The following CDC42SE2 variants were observed in gnomAD, a reference collection of about 807,000 sequenced individuals.
CDC42SE2 encodes CDC42 small effector 2, also known as CDC42 small effector protein 2.
In CDC42SE2, 3 loss-of-function variants were observed where a neutral mutation model predicts 11.5. That is an observed-to-expected ratio of 0.26 (90% CI 0.12 to 0.67). The LOEUF (loss-of-function observed/expected upper bound fraction) is 0.67, where lower values mean the gene tolerates loss of function less well. CDC42SE2 is among the 30% of genes least tolerant of loss of function. The pLI is 0.80. For missense variants in CDC42SE2, 82 were observed against 106.8 expected (o/e 0.77, Z 1.02); for synonymous variants, 33 against 34.8 (o/e 0.95, Z 0.18).
intron 1 of CDC42SE2, among the ~76,000 whole-genome samples, chr5:131,314,609 G>C (rs1040386460): frequency 7.9e-5 from 12 of 152,070 alleles, no homozygotes; most frequent in Non-Finnish European, 1.5e-4. Flanking sequence ...CTTGGTTTTT[G>C]AGTATTGATC....
At chr5:131,300,680 G>A (rs1757659403) in intron 1 of CDC42SE2, among the ~76,000 whole-genome samples, 1 of 152,022 alleles carries the variant, frequency 6.6e-6, no homozygotes, top group Non-Finnish European at 1.5e-5. Flanking sequence ...CTCCTCGGGA[G>A]GCTGAGGCAG....
chr5:131,338,366 ATTGTT>A (rs1333807201), intron 2 of CDC42SE2, among the ~76,000 whole-genome samples: 1 of 152,040 alleles, frequency 6.6e-6, no homozygotes, highest in Non-Finnish European at 1.5e-5. Flanking sequence ...CTAGTTTTGT[ATTGTT>A]TTGTTTATAT....
At chr5:131,219,479 A>AT in the CDC42SE2 span, among the ~76,000 whole-genome samples, 30 of 152,274 alleles carry the variant, frequency 2.0e-4, no homozygotes, top group Non-Finnish European at 3.7e-4. Flanking sequence ...AAGTCTGGCC[A>AT]TTTTTTCTAG....
At chr5:131,322,462 G>T (rs554569350) in intron 2 of CDC42SE2, among the ~76,000 whole-genome samples, 2 of 152,150 alleles carry the variant, frequency 1.3e-5, no homozygotes, top group South Asian at 2.1e-4. Flanking sequence ...TATAGTGTTC[G>T]TAAGGCTCAT....
intron 1 of CDC42SE2, among the ~76,000 whole-genome samples, chr5:131,293,000 A>G (rs1757494781): frequency 6.6e-6 from 1 of 151,954 alleles, no homozygotes; most frequent in African/African-American, 2.4e-5. Flanking sequence ...GAATGAACAG[A>G]TAGAGATATT....
intron 3 of CDC42SE2, among the ~76,000 whole-genome samples, chr5:131,383,570 G>T (rs947530591): frequency 6.6e-6 from 1 of 152,110 alleles, no homozygotes; most frequent in Middle Eastern, 3.2e-3. Flanking sequence ...AAAAAATGTT[G>T]CAATGACATG....
At chr5:131,263,131 C>CT (rs1047929717), upstream of CDC42SE2, among the ~76,000 whole-genome samples, 5 of 146,290 alleles carry the variant, frequency 3.4e-5, no homozygotes, top group African/African-American at 1.0e-4. Context: ...GAGACAGGGT[C>CT]TCGCTATGTT....
At chr5:131,308,262 C>T (rs578043423) in intron 1 of CDC42SE2, among the ~76,000 whole-genome samples, 9 of 151,958 alleles carry the variant, frequency 5.9e-5, no homozygotes, top group African/African-American at 1.4e-4. Context: ...TGTAGATATG[C>T]GGCGTTATTT....
chr5:131,330,584 G>T (rs1312239386), intron 2 of CDC42SE2, among the ~76,000 whole-genome samples: 1 of 152,078 alleles, frequency 6.6e-6, no homozygotes, highest in South Asian at 2.1e-4. Flanking sequence ...ACTCTCCAGG[G>T]GCATTTGGCA....
At chr5:131,312,989 CTT>C (rs144922274) in intron 1 of CDC42SE2, among the ~76,000 whole-genome samples, 2 of 144,884 alleles carry the variant, frequency 1.4e-5, no homozygotes, top group African/African-American at 2.5e-5. Flanking sequence ...CTTTTCTTTT[CTT>C]TTTTTTTTTT....
intron 1 of CDC42SE2, among the ~76,000 whole-genome samples, chr5:131,311,835 T>C (rs1191308590): frequency 2.0e-5 from 3 of 152,306 alleles, no homozygotes; most frequent in Non-Finnish European, 4.4e-5. Flanking sequence ...ATTCTAGTTA[T>C]ACATTCTTCT....
chr5:131,276,408 C>T (rs560977491), intron 1 of CDC42SE2, among the ~76,000 whole-genome samples: 145 of 151,328 alleles, frequency 9.6e-4, no homozygotes, highest in Admixed American at 2.2e-3. Context: ...GAGATCTCAC[C>T]ACTGCAGTCT....
At chr5:131,297,458 C>G (rs568231186) in intron 1 of CDC42SE2, among the ~76,000 whole-genome samples, 45 of 151,980 alleles carry the variant, frequency 3.0e-4, no homozygotes, top group African/African-American at 9.6e-4. Flanking sequence ...GGTGGCTCAC[C>G]CCTGTAATCC....
chr5:131,352,630 G>T (rs1749377025), intron 2 of CDC42SE2, among the ~76,000 whole-genome samples: 1 of 152,138 alleles, frequency 6.6e-6, no homozygotes, highest in African/African-American at 2.4e-5. Context: ...AAGTAGCTGT[G>T]TGATAAATAC....
chr5:131,346,414 G>A (rs1163317164), intron 2 of CDC42SE2, among the ~76,000 whole-genome samples: 5 of 152,126 alleles, frequency 3.3e-5, no homozygotes, highest in Admixed American at 2.6e-4. Context: ...GAAGGTCATT[G>A]CGTAATGGTA....
At chr5:131,287,039 G>A (rs1334491912) in intron 1 of CDC42SE2, among the ~76,000 whole-genome samples, 14 of 152,108 alleles carry the variant, frequency 9.2e-5, no homozygotes, top group Admixed American at 9.2e-4. Flanking sequence ...CTGTCGCCCA[G>A]GCTGGAGTGC....
chr5:131,338,993 A>G (rs1758643190), intron 2 of CDC42SE2, among the ~76,000 whole-genome samples: 1 of 152,090 alleles, frequency 6.6e-6, no homozygotes, highest in Admixed American at 6.6e-5. Flanking sequence ...CACACCTGTA[A>G]ACCCAGCACT....
intron 1 of CDC42SE2, among the ~76,000 whole-genome samples, chr5:131,251,876 G>A (rs1756640922): frequency 6.6e-6 from 1 of 152,134 alleles, no homozygotes; most frequent in Non-Finnish European, 1.5e-5. Context: ...ACTGAGCATG[G>A]TGGCACACGC....
intron 1 of CDC42SE2, among the ~76,000 whole-genome samples, chr5:131,315,681 T>C (rs1184615739): frequency 6.6e-6 from 1 of 152,228 alleles, no homozygotes; most frequent in Non-Finnish European, 1.5e-5. Flanking sequence ...AGTTATCCTT[T>C]AACCATGCAG....
Sources: gnomAD v4.1 joint callset for allele counts (sites outside exome capture counted in the v4.1 genomes callset) on GRCh38, gnomAD v4.1.1 for gene constraint, MANE v1.5 for transcripts, NCBI Gene and HGNC (gene_info 2026-07-23, HGNC 2026-07-21) for gene names.